Variants in DPYD observed in about 807,000 individuals in gnomAD.
DPYD encodes the protein dihydropyrimidine dehydrogenase, also known as dihydropyrimidine dehydrogenase [NADP(+)].
DPYD carries 109 observed loss-of-function variants against 116.2 expected under a neutral mutation model. That is an observed-to-expected ratio of 0.94 (90% CI 0.80 to 1.10). The LOEUF (loss-of-function observed/expected upper bound fraction) is 1.10. Among genes scored for constraint, DPYD ranks in the 50% least tolerant of loss-of-function variants. The pLI is 0.00. For missense variants in DPYD, 1,302 were observed against 1,254.5 expected, an observed-to-expected ratio of 1.04 and a Z score of -0.57; for synonymous variants, 440 against 432.0, an observed-to-expected ratio of 1.02 and a Z score of -0.23.
At chr1:97,287,027 TG>T (rs1665738490) in intron 18 of DPYD, among the ~76,000 whole-genome samples, 1 of 152,240 alleles carries the variant, frequency 6.6e-6, no homozygotes, top group African/African-American at 2.4e-5. Context: ...TTTTCTGCTC[TG>T]TTTTTTCCTT....
At chr1:97,599,319 T>C (rs937738106) in intron 8 of DPYD, among the ~76,000 whole-genome samples, 7 of 152,180 alleles carry the variant, frequency 4.6e-5, no homozygotes, top group African/African-American at 1.7e-4. Flanking sequence ...GCAGTATATA[T>C]AGTAAATTCT....
intron 21 of DPYD, among the ~76,000 whole-genome samples, chr1:97,091,453 C>T: frequency 6.6e-6 from 1 of 152,066 alleles, no homozygotes; most frequent in East Asian, 1.9e-4. Flanking sequence ...ACATGGCGTG[C>T]CTGGGTGTGT....
intron 15 of DPYD, among the ~76,000 whole-genome samples, chr1:97,379,881 G>T (rs1281379944): frequency 6.6e-6 from 1 of 152,190 alleles, no homozygotes; most frequent in Non-Finnish European, 1.5e-5. Flanking sequence ...ATCATCTTGT[G>T]AAATGATGTG....
chr1:97,347,680 T>A (rs1013163028), intron 16 of DPYD, among the ~76,000 whole-genome samples: 1 of 152,080 alleles, frequency 6.6e-6, no homozygotes, highest in Non-Finnish European at 1.5e-5. Flanking sequence ...ACTGATTGTT[T>A]TTTCAATTGA....
intron 16 of DPYD, among the ~76,000 whole-genome samples, chr1:97,353,558 C>T (rs1670256751): frequency 6.6e-6 from 1 of 151,518 alleles, no homozygotes; most frequent in Non-Finnish European, 1.5e-5. Context: ...AAACAACCAC[C>T]AAAAGATGGA....
At chr1:97,428,801 G>C (rs1235817019) in intron 14 of DPYD, among the ~76,000 whole-genome samples, 1 of 150,920 alleles carries the variant, frequency 6.6e-6, no homozygotes, top group Non-Finnish European at 1.5e-5. Context: ...AGCATGTGTA[G>C]GTGTTTTTAT....
intron 4 of DPYD, among the ~76,000 whole-genome samples, chr1:97,735,815 T>C (rs1252534063): frequency 2.6e-5 from 4 of 151,512 alleles, no homozygotes; most frequent in Non-Finnish European, 5.9e-5. Context: ...AAGATATAAT[T>C]GTAGCTCAAA....
chr1:97,465,628 G>A (rs1202148566), intron 13 of DPYD, among the ~76,000 whole-genome samples: 3 of 152,120 alleles, frequency 2.0e-5, no homozygotes, highest in Admixed American at 6.6e-5. Context: ...TGTCATCCAC[G>A]TAAGTAAGAC....
At chr1:97,496,658 T>C (rs1327511255) in intron 13 of DPYD, among the ~76,000 whole-genome samples, 1 of 152,006 alleles carries the variant, frequency 6.6e-6, no homozygotes, top group Non-Finnish European at 1.5e-5. Flanking sequence ...CTCTATTCTT[T>C]GGACAGGCAC....
intron 3 of DPYD, among the ~76,000 whole-genome samples, chr1:97,827,312 T>C (rs891394249): frequency 6.6e-5 from 10 of 152,086 alleles, no homozygotes; most frequent in Non-Finnish European, 1.3e-4. Flanking sequence ...TAAATAAATA[T>C]AAATACACTT....
chr1:97,782,934 T>C (rs1163904870), intron 3 of DPYD, among the ~76,000 whole-genome samples: 2 of 152,082 alleles, frequency 1.3e-5, no homozygotes, highest in African/African-American at 4.8e-5. Flanking sequence ...TGAGCCGACA[T>C]AGTGAAGGCA....
chr1:97,134,026 T>A (rs1380705252), intron 20 of DPYD, among the ~76,000 whole-genome samples: 5,202 of 13,358 alleles, frequency 0.39, 834 homozygotes, highest in East Asian at 0.6. Context: ...TATATATATA[T>A]ATATATATAT....
intron 1 of DPYD, among the ~76,000 whole-genome samples, chr1:97,904,051 G>GT (rs1166604544): frequency 1.3e-5 from 2 of 151,908 alleles, no homozygotes; most frequent in East Asian, 3.9e-4. Flanking sequence ...AACAGAGGCT[G>GT]TATTTACCCC....
chr1:97,304,647 G>T (rs2101033424), intron 18 of DPYD, among the ~76,000 whole-genome samples: 1 of 152,078 alleles, frequency 6.6e-6, no homozygotes, highest in Admixed American at 6.6e-5. Flanking sequence ...CATTGTCTTT[G>T]CAAGACCAAG....
intron 8 of DPYD, among the ~76,000 whole-genome samples, chr1:97,623,533 A>G (rs1656748834): frequency 6.6e-6 from 1 of 152,010 alleles, no homozygotes; most frequent in African/African-American, 2.4e-5. Flanking sequence ...AAGTCATAAT[A>G]TAATGAAAAT....
intron 20 of DPYD, among the ~76,000 whole-genome samples, chr1:97,101,504 A>AAAGC (rs945793539): frequency 6.7e-6 from 1 of 150,268 alleles, no homozygotes; most frequent in Non-Finnish European, 1.5e-5. Flanking sequence ...GAAGAAGGAT[A>AAAGC]AAGCAAGCAA....
intron 11 of DPYD, among the ~76,000 whole-genome samples, chr1:97,565,404 C>T (rs563108949): frequency 2.2e-4 from 33 of 152,236 alleles, no homozygotes; most frequent in Non-Finnish European, 4.4e-4. Flanking sequence ...ATGTCTACAG[C>T]ATAAAATTCA....
At chr1:97,775,595 G>A (rs1666354142) in intron 3 of DPYD, among the ~76,000 whole-genome samples, 1 of 152,038 alleles carries the variant, frequency 6.6e-6, no homozygotes, top group East Asian at 1.9e-4. Flanking sequence ...ACCTATTTCT[G>A]CCTCCCTACT....
At chr1:97,323,694 A>G (rs1275763592) in intron 16 of DPYD, among the ~76,000 whole-genome samples, 1 of 145,176 alleles carries the variant, frequency 6.9e-6, no homozygotes, top group African/African-American at 2.5e-5. Flanking sequence ...ATATGTGTAT[A>G]TATACACGTA....
Sources: allele counts gnomAD v4.1 joint callset (sites outside exome capture counted in the v4.1 genomes callset), GRCh38; gene constraint gnomAD v4.1.1; transcripts MANE v1.5; gene names NCBI Gene and HGNC (gene_info 2026-07-23, HGNC 2026-07-21).